Variants in ABLIM2 observed in about 807,000 individuals in gnomAD.
The protein encoded by ABLIM2 is actin binding LIM protein family member 2.
In ABLIM2, 53 loss-of-function variants were observed where a neutral mutation model predicts 97.7. The ratio of observed to expected loss-of-function variants is 0.54; its 90% CI spans 0.44 to 0.68. The LOEUF (loss-of-function observed/expected upper bound fraction) is 0.68. ABLIM2 is among the 30% of genes least tolerant of loss of function. The pLI, the probability that ABLIM2 is intolerant of heterozygous loss-of-function variation, is 0.00. For missense variants in ABLIM2, 835 were observed against 867.2 expected, an observed-to-expected ratio of 0.96 and a Z score of 0.47; for synonymous variants, 361 against 345.8, an observed-to-expected ratio of 1.04 and a Z score of -0.49.
intron 6 of ABLIM2, among the ~76,000 whole-genome samples, chr4:8,076,588 T>C (rs1269074123): frequency 4.6e-5 from 7 of 151,438 alleles, no homozygotes; most frequent in Non-Finnish European, 8.8e-5. Context: ...CGAGAGGGGC[T>C]CCCACACCAG....
At position 7,996,439 on chromosome 4, in the gene ABLIM2, T is replaced by G. The variant is rs1753345022; in HGVS notation, c.1619-3512A>C. Among the ~76,000 whole-genome samples, 1 of 152,164 alleles carries G rather than the reference T, an allele frequency of 6.6e-6. No homozygotes were observed. Among genetic ancestry groups the G allele is most frequent in the South Asian group, 2.1e-4 (1 of 4,820 alleles). The stretch of plus-strand genomic sequence containing the variant: ...GGCTGCCGCCGACCGGTCTCAACTT[T>G]TAACCACTTCACATGCAGGTGGAAA... On this transcript the variant is annotated intron_variant, in intron 16 of 20. Coordinates refer to ENST00000447017, the MANE Select transcript of ABLIM2 (RefSeq NM_001130083.2). The surrounding 1 kb of genome is among the most constrained non-coding windows in gnomAD (Gnocchi z 4.5).
rs532956756 is a variant in ABLIM2 at position 7,992,052 on chromosome 4, C to A, written c.1680+814G>T. ...TCCAGACTGGGACGAGGCTGCCTTGCGCAATGGGGAGACCCCTGGGCTGTG... is the reference window on the plus strand; with the variant it reads ...TCCAGACTGGGACGAGGCTGCCTTGAGCAATGGGGAGACCCCTGGGCTGTG... On this transcript the variant is annotated intron_variant, in intron 17 of 20. Coordinates refer to ENST00000447017, the MANE Select transcript of ABLIM2 (RefSeq NM_001130083.2). The surrounding 1 kb of genome is among the most constrained non-coding windows in gnomAD (Gnocchi z 5.7). Among the ~76,000 whole-genome samples, 1 of 152,160 alleles carries A rather than the reference C, an allele frequency of 6.6e-6. No homozygotes were observed. The highest frequency in any genetic ancestry group is 2.4e-5 in the African/African-American group (1 of 41,440).
rs1802847635 is a variant in ABLIM2 at position 8,061,235 on chromosome 4, G to A, written c.676-181C>T. On this transcript the variant is annotated intron_variant, in intron 6 of 20. Transcript: ENST00000447017. The surrounding 1 kb of genome is among the most constrained non-coding windows in gnomAD (Gnocchi z 4.5). ...GAGCCCAGACCCGGGGGTGCCCCCG[G>A]GCTGTCCAAGGCGCCCTGTGGGGAG... 6.6e-6 allele frequency among the ~76,000 whole-genome samples: 1 copy of A among 152,134 alleles called. No individual in the cohort carries two copies. Among genetic ancestry groups the A allele is most frequent in the South Asian group, 2.1e-4 (1 of 4,836 alleles).
rs149659821 is a variant in ABLIM2, at chr4:7,986,924, G to T, written c.1681-2031C>A. On this transcript the variant is annotated intron_variant, in intron 17 of 20. Transcript: ENST00000447017. This position sits in a 1 kb window ranked among gnomAD's most constrained non-coding sequence, Gnocchi z 4.3. Reference sequence around the variant, plus strand: ...GACCTCAGGTGATCCACCCGCGTTGGCCTCCCAAAGTGCTGGGATTATAGG... The same window carrying T: ...GACCTCAGGTGATCCACCCGCGTTGTCCTCCCAAAGTGCTGGGATTATAGG... 4.1e-3 allele frequency among the ~76,000 whole-genome samples: 632 copies of T among 152,308 alleles called. 3 individuals are homozygous for T. Among genetic ancestry groups the T allele is most frequent in the African/African-American group, 0.013 (551 of 41,578 alleles).
At chr4:8,079,550 C>A (rs556782315) in intron 5 of ABLIM2, among the ~76,000 whole-genome samples, 4 of 152,186 alleles carry the variant, frequency 2.6e-5, no homozygotes, top group South Asian at 2.1e-4. Context: ...GGAGGTTTTA[C>A]TTAAAATGAT....
At chr4:8,091,627 AATT>A (rs1643465752) in intron 3 of ABLIM2, among the ~76,000 whole-genome samples, 1 of 59,860 alleles carries the variant, frequency 1.7e-5, no homozygotes, top group African/African-American at 7.0e-5. Context: ...TTTTATATAA[AATT>A]ATATATATAA....
rs893967492 is a variant in ABLIM2, at chr4:8,069,309, A to G, written c.676-8255T>C. ...AGGAGGCCAGCCTGAGCGGCCCTAG[A>G]GGACCAGAGAACTTGACTAAGTTTG... On this transcript the variant is annotated intron_variant, in intron 6 of 20. Coordinates refer to ENST00000447017, the MANE Select transcript of ABLIM2 (RefSeq NM_001130083.2). This position sits in a 1 kb window ranked among gnomAD's most constrained non-coding sequence, Gnocchi z 4.2. Among the ~76,000 whole-genome samples, 6 of 152,274 alleles carry G rather than the reference A, an allele frequency of 3.9e-5. No homozygotes were observed. The highest frequency in any genetic ancestry group is 7.3e-5 in the Non-Finnish European group (5 of 68,050).
Position 8,003,595 on chromosome 4 carries a change from T to A in ABLIM2, c.1618+4464A>T, listed in dbSNP as rs1246071107. Among the ~76,000 whole-genome samples the A allele has an allele frequency of 2.7e-5, 4 of 145,476 alleles. No individual in the cohort carries two copies. Among genetic ancestry groups the A allele is most frequent in the Non-Finnish European group, 6.0e-5 (4 of 66,914 alleles). ...TTTTTTTTTTTTTGGAGATGGAGTC[T>A]CGCTCTGTCGCCCAGGCTGGAGTGC... On this transcript the variant is annotated intron_variant, in intron 16 of 20. Transcript: ENST00000447017. This position sits in a 1 kb window ranked among gnomAD's most constrained non-coding sequence, Gnocchi z 4.2.
chr4:8,099,573 C>T (rs954106576), intron 2 of ABLIM2, among the ~76,000 whole-genome samples: 11 of 152,272 alleles, frequency 7.2e-5, no homozygotes, highest in Admixed American at 2.6e-4. Flanking sequence ...TGACTGGGCA[C>T]GGTGGCTCAC....
chr4:8,091,376 T>G (rs11728163), intron 3 of ABLIM2, among the ~76,000 whole-genome samples: 19,218 of 52,734 alleles, frequency 0.36, 4,937 homozygotes, highest in Non-Finnish European at 0.47. Flanking sequence ...ATATTACATA[T>G]AATTATATTA....
intron 3 of ABLIM2, among the ~76,000 whole-genome samples, chr4:8,088,538 G>A (rs1215886569): frequency 3.3e-5 from 5 of 152,234 alleles, no homozygotes; most frequent in Non-Finnish European, 7.3e-5. Context: ...CACCTAAGGT[G>A]GTGGTGAGGA....
At chr4:8,048,935 C>G (rs1245847899) in intron 8 of ABLIM2, among the ~76,000 whole-genome samples, 1 of 152,158 alleles carries the variant, frequency 6.6e-6, no homozygotes. Flanking sequence ...CACAGGGCCA[C>G]CCCCTTCTCA....
At position 8,043,396 on chromosome 4, in the gene ABLIM2, T is replaced by A. The variant is rs1790029014; in HGVS notation, c.900+1768A>T. Among the ~76,000 whole-genome samples, 1 of 152,138 alleles carries A rather than the reference T, an allele frequency of 6.6e-6. No individual in the cohort carries two copies. The highest frequency in any genetic ancestry group is 1.5e-5 in the Non-Finnish European group (1 of 68,024). ...TTGTCATAATCATTATTCATGAGGA[T>A]GATGATGGTATTATGGACTGAACTG... is the stretch of plus-strand genomic sequence containing the variant. On this transcript the variant is annotated intron_variant, in intron 9 of 20. Transcript: ENST00000447017. This position sits in a 1 kb window ranked among gnomAD's most constrained non-coding sequence, Gnocchi z 4.8.
intron 1 of ABLIM2, among the ~76,000 whole-genome samples, chr4:8,126,162 G>C (rs78005917): frequency 7.9e-5 from 12 of 152,258 alleles, no homozygotes; most frequent in Middle Eastern, 3.4e-3. Flanking sequence ...GAGGCGCTGA[G>C]GGGGGGCTAT....
In ABLIM2 at chr4:8,032,529, G is replaced by C; in HGVS notation, c.1048-2753C>G. 1 of 1,326,166 alleles carries C rather than the reference G, an allele frequency of 7.5e-7. No individual in the cohort carries two copies. The highest frequency in any genetic ancestry group is 1.9e-5 in the Admixed American group (1 of 53,340). The allele number at this position is 1,326,166 out of a possible 1,614,324, so 82.1% of individuals were successfully genotyped here. A position where few individuals can be genotyped will look rare whatever the true frequency, so the allele number is the denominator to read the frequency against. ...CCATGTCACAAGGGCCGTGGCCCCG[G>C]GCCCCATGGTGAAGAGCCACCGAGG... On this transcript the variant is annotated intron_variant, in intron 10 of 20. Coordinates refer to ENST00000447017, the MANE Select transcript of ABLIM2 (RefSeq NM_001130083.2). The surrounding 1 kb of genome is among the most constrained non-coding windows in gnomAD (Gnocchi z 4.3).
Position 8,043,244 on chromosome 4 carries a change from C to G in ABLIM2, c.900+1920G>C, listed in dbSNP as rs1346735446. 6.6e-6 allele frequency among the ~76,000 whole-genome samples: 1 copy of G among 152,200 alleles called. No homozygotes were observed. The highest frequency in any genetic ancestry group is 1.5e-5 in the Non-Finnish European group (1 of 68,034). On this transcript the variant is annotated intron_variant, in intron 9 of 20. Coordinates refer to ENST00000447017, the MANE Select transcript of ABLIM2 (RefSeq NM_001130083.2). The surrounding 1 kb of genome is among the most constrained non-coding windows in gnomAD (Gnocchi z 4.8). ...CACCTAAAACTTTGATTAAATACGT[C>G]TGTCATGCTTTTCTCTTGTGAACTT...
chr4:8,018,938 C>G (rs1224768421), intron 14 of ABLIM2, among the ~76,000 whole-genome samples: 6 of 152,120 alleles, frequency 3.9e-5, no homozygotes, highest in African/African-American at 1.4e-4. Context: ...GATGAGTAAA[C>G]CGAGGCTCAG....
rs1490120224 is a variant in ABLIM2 at position 8,132,211 on chromosome 4, C to A, written c.11-25574G>T. ...CCCCCCTGCTCACTCATGCTCACCC[C>A]CTCCCCTGCACAGAACCCCTCACTC... is the stretch of plus-strand genomic sequence containing the variant. On this transcript the variant is annotated intron_variant, in intron 1 of 20. Coordinates refer to ENST00000447017, the MANE Select transcript of ABLIM2 (RefSeq NM_001130083.2). The surrounding 1 kb of genome is among the most constrained non-coding windows in gnomAD (Gnocchi z 8.0). Among the ~76,000 whole-genome samples the A allele has an allele frequency of 6.6e-6, 1 of 152,066 alleles. No individual in the cohort carries two copies. Among genetic ancestry groups the A allele is most frequent in the Admixed American group, 6.5e-5 (1 of 15,286 alleles).
intron 8 of ABLIM2, among the ~76,000 whole-genome samples, chr4:8,053,641 C>T (rs1797339264): frequency 6.6e-6 from 1 of 152,184 alleles, no homozygotes; most frequent in South Asian, 2.1e-4. Flanking sequence ...TCTTAGATGC[C>T]TCTTTGCTAT....
Sources: gnomAD v4.1 joint callset for allele counts (sites outside exome capture counted in the v4.1 genomes callset) on GRCh38, gnomAD v4.1.1 for gene constraint, Gnocchi (gnomAD v3.1) non-coding constraint, MANE v1.5 for transcripts, NCBI Gene and HGNC (gene_info 2026-07-23, HGNC 2026-07-21) for gene names.